Variants in PDZRN4 observed in about 807,000 individuals in gnomAD.
PDZRN4 encodes the protein PDZ domain-containing RING finger protein 4.
A neutral mutation model predicts 99.0 loss-of-function variants in PDZRN4; 70 were observed. The observed-to-expected ratio is 0.71, with a 90% CI of 0.58 to 0.86. PDZRN4 has a LOEUF of 0.86. PDZRN4 is among the 40% of genes least tolerant of loss of function. PDZRN4 has a pLI of 0.00. For synonymous variants in PDZRN4, 551 were observed against 501.6 expected (o/e 1.10, Z -1.32); for missense variants, 1,474 against 1,331.2 (o/e 1.11, Z -1.67).
intron 3 of PDZRN4, among the ~76,000 whole-genome samples, chr12:41,268,747 T>C (rs573560520): frequency 6.6e-6 from 1 of 152,308 alleles, no homozygotes; most frequent in East Asian, 1.9e-4. Context: ...CTCCATTTTT[T>C]AGCAATGTTA....
chr12:41,213,553 T>G (rs2120704662), intron 3 of PDZRN4, among the ~76,000 whole-genome samples: 1 of 152,172 alleles, frequency 6.6e-6, no homozygotes. Flanking sequence ...GTAAAGCCCT[T>G]TCCTCATCCC....
intron 5 of PDZRN4, among the ~76,000 whole-genome samples, chr12:41,510,914 G>A (rs560438943): frequency 6.6e-6 from 1 of 152,230 alleles, no homozygotes; most frequent in Non-Finnish European, 1.5e-5. Flanking sequence ...TAACTGAGTA[G>A]ATGGTTTTTG....
chr12:41,536,199 G>C (rs866080137), intron 5 of PDZRN4, among the ~76,000 whole-genome samples: 1 of 152,102 alleles, frequency 6.6e-6, no homozygotes, highest in African/African-American at 2.4e-5. Context: ...TCTTTCAGTA[G>C]GTGAATAGAT....
At chr12:41,383,676 C>G (rs1423945605) in intron 3 of PDZRN4, among the ~76,000 whole-genome samples, 1 of 152,136 alleles carries the variant, frequency 6.6e-6, no homozygotes, top group Non-Finnish European at 1.5e-5. Flanking sequence ...GTAATACTTA[C>G]TATACCATAT....
intron 7 of PDZRN4, among the ~76,000 whole-genome samples, chr12:41,557,019 C>T (rs997411276): frequency 1.3e-5 from 2 of 151,942 alleles, no homozygotes; most frequent in Non-Finnish European, 2.9e-5. Context: ...GGCATGGTGG[C>T]AGCCACCTGT....
intron 3 of PDZRN4, among the ~76,000 whole-genome samples, chr12:41,199,502 A>G (rs1417459215): frequency 1.3e-5 from 2 of 152,172 alleles, no homozygotes; most frequent in Non-Finnish European, 2.9e-5. Flanking sequence ...CAATCACACT[A>G]CTGGGTATCT....
intron 3 of PDZRN4, among the ~76,000 whole-genome samples, chr12:41,290,034 G>A (rs1591999240): frequency 6.6e-6 from 1 of 152,206 alleles, no homozygotes; most frequent in Non-Finnish European, 1.5e-5. Flanking sequence ...TGATTTGTGA[G>A]AAGCCACTGT....
chr12:41,226,506 G>A (rs1591975776), intron 3 of PDZRN4, among the ~76,000 whole-genome samples: 1 of 151,936 alleles, frequency 6.6e-6, no homozygotes, highest in African/African-American at 2.4e-5. Flanking sequence ...AAGGAATTAT[G>A]GAGGAACAAA....
intron 3 of PDZRN4, among the ~76,000 whole-genome samples, chr12:41,259,977 C>T (rs1951226879): frequency 6.6e-6 from 1 of 152,098 alleles, no homozygotes; most frequent in Non-Finnish European, 1.5e-5. Flanking sequence ...CATACTAGGA[C>T]ATTTTCTACT....
intron 3 of PDZRN4, among the ~76,000 whole-genome samples, chr12:41,500,382 A>G (rs547000800): frequency 6.6e-6 from 1 of 152,082 alleles, no homozygotes; most frequent in East Asian, 1.9e-4. Context: ...TCACTTTAGG[A>G]TAAGTCTGCT....
chr12:41,402,948 G>T (rs1313983828), intron 3 of PDZRN4, among the ~76,000 whole-genome samples: 1 of 151,924 alleles, frequency 6.6e-6, no homozygotes. Context: ...TTAGGGAATT[G>T]ATATATTTCA....
chr12:41,394,604 G>A (rs937450750), intron 3 of PDZRN4, among the ~76,000 whole-genome samples: 10 of 152,092 alleles, frequency 6.6e-5, no homozygotes, highest in Non-Finnish European at 7.4e-5. Flanking sequence ...GGCTGCAATC[G>A]CATCTGAAGA....
chr12:41,241,655 C>G (rs915939836), intron 3 of PDZRN4, among the ~76,000 whole-genome samples: 1 of 152,076 alleles, frequency 6.6e-6, no homozygotes, highest in Non-Finnish European at 1.5e-5. Context: ...AGTGCAAGGT[C>G]TATAATAGGA....
In PDZRN4 at chr12:41,552,719, G is replaced by C; in HGVS notation, c.1267G>C (p.Asp423His). 6.2e-7 allele frequency: 1 copy of C among 1,613,764 alleles called. No homozygotes were observed. Among genetic ancestry groups the C allele is most frequent in the South Asian group, 1.1e-5 (1 of 91,068 alleles). ...GGGCCTGACAGTCTGTTACCGAACAGATGATGAAGAAGACACCGGCATTTA... is the reference window on the plus strand; with the variant it reads ...GGGCCTGACAGTCTGTTACCGAACACATGATGAAGAAGACACCGGCATTTA... ...KLGLTVCYRT[D>H]DEEDTGIYVS... The change falls in exon 6 of 10, where the codon GAT (aspartate) becomes CAT (histidine). Residue 423 changes from aspartate (D) to histidine (H), a missense_variant. By Grantham distance (81) the Asp-to-His change is moderately conservative. Transcript: ENST00000402685.
intron 3 of PDZRN4, among the ~76,000 whole-genome samples, chr12:41,316,959 T>C (rs1431864209): frequency 6.7e-6 from 1 of 150,368 alleles, no homozygotes; most frequent in African/African-American, 2.4e-5. Context: ...GAAAAGCTTT[T>C]AATCATCAAG....
At chr12:41,404,649 A>G (rs1952330105) in intron 3 of PDZRN4, among the ~76,000 whole-genome samples, 2 of 152,046 alleles carry the variant, frequency 1.3e-5, no homozygotes, top group Admixed American at 1.3e-4. Context: ...CAGAACTGGA[A>G]AAAAAAACTA....
At chr12:41,355,311 GAC>G (rs569111364) in intron 3 of PDZRN4, among the ~76,000 whole-genome samples, 3 of 152,028 alleles carry the variant, frequency 2.0e-5, no homozygotes, top group Non-Finnish European at 4.4e-5. Context: ...GGGCGGTGAT[GAC>G]ACATTGAGAA....
chr12:41,203,023 C>G (rs535376993), intron 3 of PDZRN4, among the ~76,000 whole-genome samples: 14 of 151,668 alleles, frequency 9.2e-5, no homozygotes, highest in African/African-American at 3.4e-4. Context: ...AAATAGTTAA[C>G]AAACATTTGT....
chr12:41,433,275 T>C (rs934524654), intron 3 of PDZRN4, among the ~76,000 whole-genome samples: 4 of 152,164 alleles, frequency 2.6e-5, no homozygotes, highest in Non-Finnish European at 5.9e-5. Flanking sequence ...AGCTCTAGCT[T>C]CCTCTGCAAG....
Sources: gnomAD v4.1 joint callset for allele counts (sites outside exome capture counted in the v4.1 genomes callset) on GRCh38, gnomAD v4.1.1 for gene constraint, MANE v1.5 for transcripts, NCBI Gene and HGNC (gene_info 2026-07-23, HGNC 2026-07-21) for gene names.